TRIO: variants seen among roughly 807,000 people sequenced by gnomAD.
TRIO encodes trio Rho guanine nucleotide exchange factor.
In TRIO, 58 loss-of-function variants were observed where a neutral mutation model predicts 351.9. That is an observed-to-expected ratio of 0.16 (90% CI 0.13 to 0.21). The LOEUF (loss-of-function observed/expected upper bound fraction) is 0.21. Among genes scored for constraint, TRIO ranks in the 10% least tolerant of loss-of-function variants. TRIO has a pLI of 1.00. For missense variants in TRIO, 3,201 were observed against 4,027.8 expected, an observed-to-expected ratio of 0.79 and a Z score of 5.56; for synonymous variants, 1,758 against 1,595.7, an observed-to-expected ratio of 1.10 and a Z score of -2.42.
intron 9 of TRIO, among the ~76,000 whole-genome samples, chr5:14,319,267 T>C (rs888085839): frequency 1.3e-5 from 2 of 152,218 alleles, no homozygotes; most frequent in African/African-American, 4.8e-5. Flanking sequence ...TTTTTGTTGA[T>C]GAATGATCTG....
In TRIO at chr5:14,506,606, G is replaced by C. The variant is rs570566311; in HGVS notation, c.8613-516G>C. ...GAGCCCCTGGCACTTGGCAGTGCTG[G>C]GTAAGTGTTTTTTTAGTATGAACAG... On this transcript the variant is annotated intron_variant, in intron 55 of 56. Transcript: ENST00000344204. Among the ~76,000 whole-genome samples, 115 of 152,232 alleles carry C rather than the reference G, an allele frequency of 7.6e-4. 1 individual carries two copies. Among genetic ancestry groups the C allele is most frequent in the African/African-American group, 2.7e-3 (112 of 41,532 alleles).
At chr5:14,217,112 C>T (rs1792274152) in intron 1 of TRIO, among the ~76,000 whole-genome samples, 1 of 152,208 alleles carries the variant, frequency 6.6e-6, no homozygotes, top group East Asian at 1.9e-4. Flanking sequence ...GTTCTCTGAT[C>T]ACCGGTCTTT....
chr5:14,505,635 T>A (rs918948670), intron 55 of TRIO, among the ~76,000 whole-genome samples: 17 of 152,118 alleles, frequency 1.1e-4, no homozygotes, highest in African/African-American at 3.6e-4. Flanking sequence ...TTAAAGAAAC[T>A]ATAAATGCCT....
chr5:14,297,333 G>C, intron 7 of TRIO, 70 bp downstream of exon 7: 1 of 1,509,938 alleles, frequency 6.6e-7, no homozygotes. Flanking sequence ...ATATTGGTGT[G>C]TGTGCAAACA....
In TRIO at chr5:14,476,839, T is replaced by C. The variant is rs1755113023; in HGVS notation, c.6084-55T>C. Reference sequence around the variant, plus strand: ...AAAAGAAAAAATGTAAACCTAAATCTAAAATTAGAAGGCCACACTGGAAAT... The same window carrying C: ...AAAAGAAAAAATGTAAACCTAAATCCAAAATTAGAAGGCCACACTGGAAAT... On this transcript the variant is annotated intron_variant, in intron 40 of 56. Coordinates refer to ENST00000344204, the MANE Select transcript of TRIO (RefSeq NM_007118.4). The C allele has an allele frequency of 1.4e-5, 20 of 1,447,760 alleles. No homozygotes were observed. The South Asian group carries it at 2.5e-4, about 18-fold the overall frequency. The allele number at this position is 1,447,760 out of a possible 1,614,324, so 89.7% of individuals were successfully genotyped here.
intron 1 of TRIO, among the ~76,000 whole-genome samples, chr5:14,154,792 G>C (rs548932459): frequency 6.6e-6 from 1 of 152,310 alleles, no homozygotes; most frequent in African/African-American, 2.4e-5. Context: ...CTTGAAGGCA[G>C]ACACTGTATA....
intron 2 of TRIO, among the ~76,000 whole-genome samples, chr5:14,271,261 C>G (rs1282900389): frequency 6.6e-6 from 1 of 152,196 alleles, no homozygotes; most frequent in African/African-American, 2.4e-5. Context: ...CTGAATTTCT[C>G]ACTTTTGTTT....
At chr5:14,507,597 T>C (rs1182179096) in intron 56 of TRIO, among the ~76,000 whole-genome samples, 2 of 151,748 alleles carry the variant, frequency 1.3e-5, no homozygotes, top group African/African-American at 4.8e-5. Flanking sequence ...GGAGGGAAAA[T>C]GAACACCCAG....
chr5:14,403,351 T>TG (rs1748313847), intron 31 of TRIO, among the ~76,000 whole-genome samples: 2 of 23,858 alleles, frequency 8.4e-5, no homozygotes, highest in African/African-American at 5.4e-4. Flanking sequence ...GGGTGCAGCT[T>TG]GTGAGGGTGC....
At chr5:14,386,622 A>G (rs760363350) in intron 21 of TRIO, among the ~76,000 whole-genome samples, 6 of 152,238 alleles carry the variant, frequency 3.9e-5, no homozygotes, top group Non-Finnish European at 7.3e-5. Flanking sequence ...CCTAATAGTA[A>G]TAACCATCGA....
rs1043188271 is a variant in TRIO at position 14,497,204 on chromosome 5, C to T, written c.8019+187C>T. 1.3e-5 allele frequency among the ~76,000 whole-genome samples: 2 copies of T among 152,300 alleles called. No homozygotes were observed. The highest frequency in any genetic ancestry group is 3.9e-4 in the East Asian group (2 of 5,178). The stretch of plus-strand genomic sequence containing the variant: ...ATGCTGGCCAGCACAGGGATGGGTG[C>T]GTCCTACAAGGAACCAGGTAGACCC... On this transcript the variant is annotated intron_variant, in intron 50 of 56. Coordinates refer to ENST00000344204, the MANE Select transcript of TRIO (RefSeq NM_007118.4). This position sits in a 1 kb window ranked among gnomAD's most constrained non-coding sequence, Gnocchi z 4.4.
intron 11 of TRIO, among the ~76,000 whole-genome samples, chr5:14,340,746 C>T (rs1302112848): frequency 6.6e-6 from 1 of 152,192 alleles, no homozygotes; most frequent in Non-Finnish European, 1.5e-5. Context: ...AGACCAGGCT[C>T]TTAGACTCCA....
At chr5:14,503,555 A>ACTTT (rs1362248708) in intron 54 of TRIO, among the ~76,000 whole-genome samples, 1 of 152,078 alleles carries the variant, frequency 6.6e-6, no homozygotes, top group Non-Finnish European at 1.5e-5. Flanking sequence ...TTCCACATCG[A>ACTTT]CTTTCACCCT....
At chr5:14,501,373 T>C (rs950891267) in intron 53 of TRIO, among the ~76,000 whole-genome samples, 8 of 152,364 alleles carry the variant, frequency 5.3e-5, no homozygotes, top group African/African-American at 1.9e-4. Flanking sequence ...TTATTGCTTC[T>C]CGTGTGTCCT....
At chr5:14,360,682 G>A (rs1483000993) in intron 13 of TRIO, among the ~76,000 whole-genome samples, 3 of 152,248 alleles carry the variant, frequency 2.0e-5, no homozygotes, top group Admixed American at 2.0e-4. Context: ...CTTCCCCTGG[G>A]CCTGTCTATA....
chr5:14,498,274 G>A, intron 52 of TRIO, 23 bp downstream of exon 52: 1 of 1,606,936 alleles, frequency 6.2e-7, no homozygotes. Flanking sequence ...CACTCCTGGT[G>A]GGTTTCGCTG....
At chr5:14,250,584 A>G (rs1175985984) in intron 1 of TRIO, among the ~76,000 whole-genome samples, 4 of 152,180 alleles carry the variant, frequency 2.6e-5, no homozygotes, top group Non-Finnish European at 5.9e-5. Flanking sequence ...AAAAGCTCAA[A>G]GCTTGGGCTT....
chr5:14,154,280 G>A (rs1787983451), intron 1 of TRIO, among the ~76,000 whole-genome samples: 1 of 152,158 alleles, frequency 6.6e-6, no homozygotes, highest in Non-Finnish European at 1.5e-5. Context: ...CCCTTGCTGT[G>A]TGTGACACAT....
chr5:14,274,719 G>GT (rs761091553), intron 2 of TRIO, among the ~76,000 whole-genome samples: 2 of 151,992 alleles, frequency 1.3e-5, no homozygotes, highest in East Asian at 1.9e-4. Context: ...TTGTTTGTTT[G>GT]TTTTTTCCCC....
Sources: allele counts gnomAD v4.1 joint callset (sites outside exome capture counted in the v4.1 genomes callset), GRCh38; gene constraint gnomAD v4.1.1; non-coding constraint Gnocchi (gnomAD v3.1); transcripts MANE v1.5; gene names NCBI Gene and HGNC (gene_info 2026-07-23, HGNC 2026-07-21).